The following ABCA9 variants were observed in gnomAD, a reference collection of about 807,000 sequenced individuals.
ABCA9 encodes the protein ATP binding cassette subfamily A member 9, also known as ATP-binding cassette sub-family A member 9.
A neutral mutation model predicts 205.3 loss-of-function variants in ABCA9; 183 were observed. The ratio of observed to expected loss-of-function variants is 0.89; its 90% CI spans 0.79 to 1.01. ABCA9 has a LOEUF of 1.01. Among genes scored for constraint, ABCA9 ranks in the 50% least tolerant of loss-of-function variants. ABCA9 has a pLI of 0.00. For synonymous variants in ABCA9, 651 were observed against 683.3 expected (o/e 0.95, Z 0.74); for missense variants, 1,805 against 1,912.4 (o/e 0.94, Z 1.05).
chr17:69,073,908 C>G, the ABCA9 span, among the ~76,000 whole-genome samples: 2 of 151,926 alleles, frequency 1.3e-5, no homozygotes, highest in Non-Finnish European at 2.9e-5. Context: ...TGCTATGTTG[C>G]CCAGGATGGT....
chr17:69,061,866 C>G (rs1338289835), upstream of ABCA9, among the ~76,000 whole-genome samples: 4 of 152,152 alleles, frequency 2.6e-5, no homozygotes, highest in Admixed American at 2.6e-4. Context: ...CTGCTTACAG[C>G]CAGTAAGTCT....
At chr17:69,046,865 C>T (rs1281441750) in intron 3 of ABCA9, among the ~76,000 whole-genome samples, 8 of 118,718 alleles carry the variant, frequency 6.7e-5, no homozygotes, top group Non-Finnish European at 1.0e-4. Context: ...TGCCTGAAGG[C>T]GATTTTATAC....
intron 1 of ABCA9, among the ~76,000 whole-genome samples, chr17:69,059,002 G>T (rs1567979492): frequency 6.6e-6 from 1 of 152,114 alleles, no homozygotes; most frequent in Non-Finnish European, 1.5e-5. Flanking sequence ...TTGGGTAGGG[G>T]AATTCCCCTT....
chr17:68,985,182 G>A (rs1051967678), intron 32 of ABCA9, 54 bp from the exon 33 acceptor site: 20 of 1,605,858 alleles, frequency 1.2e-5, no homozygotes, highest in South Asian at 9.9e-5. Flanking sequence ...ATGTACATGG[G>A]AGAATGAGCA....
Position 68,984,037 on chromosome 17 carries a change from G to A in ABCA9, c.4499+19C>T, listed in dbSNP as rs752531745. 5.6e-6 allele frequency: 9 copies of A among 1,613,840 alleles called. No individual in the cohort carries two copies. The highest frequency in any genetic ancestry group is 1.3e-5 in the African/African-American group (1 of 74,916). ...GCACACAACCTAGGGGCTGAGCGCC[G>A]GCTTGGACAGGCACTCACCTCAGCC... On this transcript the variant is annotated intron_variant, in intron 35 of 38. Coordinates refer to ENST00000340001, the MANE Select transcript of ABCA9 (RefSeq NM_080283.4).
chr17:68,992,325 T>C (rs1284850332), intron 27 of ABCA9, 59 bp from the exon 28 acceptor site: 56 of 1,080,468 alleles, frequency 5.2e-5, no homozygotes, highest in Admixed American at 2.8e-5. Context: ...GATTTCAATA[T>C]TGGAATTGAT....
chr17:68,992,424 C>A, intron 27 of ABCA9, 158 bp from the exon 28 acceptor site: 1 of 497,264 alleles, frequency 2.0e-6, no homozygotes, highest in Non-Finnish European at 3.6e-6. Context: ...TTGAAACTGT[C>A]AAAGTTAGCC....
chr17:69,003,999 T>G (rs1384718098), intron 25 of ABCA9, among the ~76,000 whole-genome samples: 1 of 152,188 alleles, frequency 6.6e-6, no homozygotes, highest in African/African-American at 2.4e-5. Context: ...CTGTATTCGT[T>G]ATTCTAGTTA....
intron 1 of ABCA9, among the ~76,000 whole-genome samples, chr17:69,060,048 ATG>A (rs1455442951): frequency 6.6e-6 from 1 of 152,174 alleles, no homozygotes; most frequent in Non-Finnish European, 1.5e-5. Flanking sequence ...CTGTGAATTA[ATG>A]TGTGTGCCAG....
At chr17:69,051,001 A>G in intron 2 of ABCA9, 30 bp downstream of exon 2, 1 of 1,593,374 alleles carries the variant, frequency 6.3e-7, no homozygotes, top group South Asian at 1.1e-5. Flanking sequence ...CATCCTCTAA[A>G]TATGAGAACA....
chr17:69,026,899 G>T, intron 15 of ABCA9, 77 bp downstream of exon 15: 2 of 1,531,622 alleles, frequency 1.3e-6, no homozygotes, highest in Non-Finnish European at 8.9e-7. Flanking sequence ...GGGAGACACA[G>T]CTGTGGAGCA....
Position 69,024,464 on chromosome 17 carries a change from A to G in ABCA9, c.2142-111T>C, listed in dbSNP as rs1307549244. 4 of 1,083,232 alleles carry G rather than the reference A, an allele frequency of 3.7e-6. No individual in the cohort carries two copies. In the East Asian group the frequency reaches 1.1e-4, roughly 30 times the overall value. The allele number at this position is 1,083,232 out of a possible 1,614,324, so 67.1% of individuals were successfully genotyped here. A position where few individuals can be genotyped will look rare whatever the true frequency, so the allele number is the denominator to read the frequency against. ...TTATTAATATTTATGAGACAAAAAAATGTGTAGTTTACTGGACAAAGTAAG... is the reference window on the plus strand; with the variant it reads ...TTATTAATATTTATGAGACAAAAAAGTGTGTAGTTTACTGGACAAAGTAAG... On this transcript the variant is annotated intron_variant, in intron 16 of 38. Coordinates refer to ENST00000340001, the MANE Select transcript of ABCA9 (RefSeq NM_080283.4).
intron 29 of ABCA9, 68 bp from the exon 30 acceptor site, chr17:68,989,998 T>TCAG: frequency 2.7e-6 from 3 of 1,094,612 alleles, no homozygotes; most frequent in Non-Finnish European, 4.1e-6. Flanking sequence ...TTCCACACTC[T>TCAG]TGTCACCAAA....
At chr17:69,030,456 CTT>C (rs1312805173) in intron 10 of ABCA9, among the ~76,000 whole-genome samples, 1 of 152,160 alleles carries the variant, frequency 6.6e-6, no homozygotes, top group Non-Finnish European at 1.5e-5. Flanking sequence ...CTTCCTAAGA[CTT>C]TATCTTCAAA....
At chr17:69,024,399 A>G in intron 16 of ABCA9, 46 bp from the exon 17 acceptor site, 1 of 1,484,972 alleles carries the variant, frequency 6.7e-7, no homozygotes, top group Non-Finnish European at 9.0e-7. Context: ...AACTGTGTCT[A>G]TAAAACAATT....
At chr17:69,037,249 C>T (rs1158497168) in intron 6 of ABCA9, among the ~76,000 whole-genome samples, 2 of 152,152 alleles carry the variant, frequency 1.3e-5, no homozygotes, top group South Asian at 2.1e-4. Flanking sequence ...CACCCAAAAT[C>T]AACAGAATAT....
At position 69,051,196 on chromosome 17, in the gene ABCA9, T is replaced by G. The variant is rs1161655984; in HGVS notation, c.-13-57A>C. The G allele has an allele frequency of 5.4e-6, 8 of 1,478,336 alleles. No homozygotes were observed. In the Admixed American group the frequency reaches 1.6e-4, roughly 29 times the overall value. The allele number at this position is 1,478,336 out of a possible 1,614,324, so 91.6% of individuals were successfully genotyped here. A position where few individuals can be genotyped will look rare whatever the true frequency, so the allele number is the denominator to read the frequency against. ...TGTGAAGGTCTAAAGTAGAAAACAT[T>G]GTGCAATCAAACATAAAAGAAACAT... is the stretch of plus-strand genomic sequence containing the variant. On this transcript the variant is annotated intron_variant, in intron 1 of 38. Coordinates refer to ENST00000340001, the MANE Select transcript of ABCA9 (RefSeq NM_080283.4).
chr17:69,013,668 C>T (rs1295895705), intron 22 of ABCA9, among the ~76,000 whole-genome samples: 1 of 152,118 alleles, frequency 6.6e-6, no homozygotes, highest in Non-Finnish European at 1.5e-5. Flanking sequence ...CTCAGCCTGA[C>T]AGGGTCCTTC....
In ABCA9 at chr17:69,045,231, T is replaced by C; in HGVS notation, c.410A>G (p.His137Arg). 2 of 1,613,236 alleles carry C rather than the reference T, an allele frequency of 1.2e-6. No homozygotes were observed. Among genetic ancestry groups the C allele is most frequent in the Non-Finnish European group, 1.7e-6 (2 of 1,179,614 alleles). The change falls in exon 4 of 39, where the codon CAT becomes CGT. Residue 137 changes from histidine (H) to arginine (R), a missense_variant. Physicochemically the swap from His to Arg is conservative, Grantham distance 29. Transcript: ENST00000340001. ...RVIFTDTFSY[H>R]LKFSWGHRIP... ...TCTATGTCCCCAAGAAAACTTCAAATGGTAGGAGAAGGTATCAGTAAAGAT... is the reference window on the plus strand; with the variant it reads ...TCTATGTCCCCAAGAAAACTTCAAACGGTAGGAGAAGGTATCAGTAAAGAT...
Sources: allele counts gnomAD v4.1 joint callset (sites outside exome capture counted in the v4.1 genomes callset), GRCh38; gene constraint gnomAD v4.1.1; transcripts MANE v1.5; gene names NCBI Gene and HGNC (gene_info 2026-07-23, HGNC 2026-07-21).